COL4A4: variants seen among roughly 807,000 people sequenced by gnomAD.
COL4A4 encodes the protein collagen type IV alpha 4 chain.
A neutral mutation model predicts 192.9 loss-of-function variants in COL4A4; 105 were observed. The observed-to-expected ratio is 0.54, with a 90% confidence interval of 0.46 to 0.64. COL4A4 has a LOEUF of 0.64. Among genes scored for constraint, COL4A4 ranks in the 30% least tolerant of loss-of-function variants. The pLI is 0.00. For missense variants in COL4A4, 1,967 were observed against 2,169.3 expected (o/e 0.91, Z 1.85); for synonymous variants, 762 against 769.9 (o/e 0.99, Z 0.17).
At position 227,088,731 on chromosome 2, in the gene COL4A4, T is replaced by C; in HGVS notation, c.1545A>G (p.Gly515=). 6.2e-7 allele frequency: 1 copy of C among 1,614,022 alleles called. No individual in the cohort carries two copies. ...CAAGCCAGCCAGGGAGCCCCAAGTC[T>C]CCCTTACTCCCCTGCCTCCCAGGAA... ...PGLPGRQGSK[G]DLGLPGWLGT... The change falls in exon 22 of 48, where the codon GGA becomes GGG. Residue 515 remains glycine (G), a synonymous_variant. Coordinates refer to ENST00000396625, the MANE Select transcript of COL4A4 (RefSeq NM_000092.5).
In COL4A4 at chr2:227,088,702, G is replaced by A. The variant is rs748252231; in HGVS notation, c.1574C>T (p.Thr525Ile). Residue 525 changes from threonine (T) to isoleucine (I), a missense_variant, in exon 22 of 48, where the codon ACA becomes ATA. Coordinates refer to ENST00000396625, the MANE Select transcript of COL4A4 (RefSeq NM_000092.5). ...GDLGLPGWLGTKGDPGPPGAE... is the reference protein window; with the variant it reads ...GDLGLPGWLGIKGDPGPPGAE... ...ACCAGGAGGTCCTGGGTCACCTTTT[G>A]TTCCAAGCCAGCCAGGGAGCCCCAA... is the stretch of plus-strand genomic sequence containing the variant. 1 of 1,614,116 alleles carries A rather than the reference G, an allele frequency of 6.2e-7. No homozygotes were observed. Among genetic ancestry groups the A allele is most frequent in the Admixed American group, 1.7e-5 (1 of 60,022 alleles).
chr2:227,058,157 G>A lies in COL4A4; in HGVS notation c.2384-557C>T, dbSNP rs115070864. On this transcript the variant is annotated intron_variant, in intron 28 of 47. Transcript: ENST00000396625. ...TCAGTGCAAATTCAGTTGTTGGAGC[G>A]CTTCAGATTGCATATTAATCTGCAA... 4.9e-3 allele frequency among the ~76,000 whole-genome samples: 745 copies of A among 152,272 alleles called. 7 individuals carry two copies. Among genetic ancestry groups the A allele is most frequent in the African/African-American group, 0.017 (716 of 41,552 alleles).
At chr2:227,047,762 C>CACACACACACACAT (rs1553637097) in intron 34 of COL4A4, among the ~76,000 whole-genome samples, 2 of 151,228 alleles carry the variant, frequency 1.3e-5, no homozygotes, top group South Asian at 4.2e-4. Flanking sequence ...CACACACACA[C>CACACACACACACAT]GGTTTTAGAA....
chr2:227,082,254 T>C lies in COL4A4; in HGVS notation c.1624-67A>G, dbSNP rs2059365297. 8 of 1,295,046 alleles carry C rather than the reference T, an allele frequency of 6.2e-6. No individual in the cohort carries two copies. The African/African-American group carries it at 1.0e-4, about 17-fold the overall frequency. 80.2% of individuals were successfully genotyped at this position (1,295,046 alleles called of 1,614,324 possible). A position where few individuals can be genotyped will look rare whatever the true frequency, so the allele number is the denominator to read the frequency against. On this transcript the variant is annotated intron_variant, in intron 22 of 47. Coordinates refer to ENST00000396625, the MANE Select transcript of COL4A4 (RefSeq NM_000092.5). ...GGATCAACAGTTACATCTGTACATA[T>C]TGAATCTCTCTCTTCTTCCCTCCTA...
At position 227,060,126 on chromosome 2, in the gene COL4A4, C is replaced by CAAAAATA; in HGVS notation, c.2164+9_2164+10insTATTTTT. ...GAAAAAAAAAAAAAAAAAAAAAAAACCTCACTGACCAGGTGGACCTGGTAT... is the reference window on the plus strand; with the variant it reads ...GAAAAAAAAAAAAAAAAAAAAAAAACAAAAATACTCACTGACCAGGTGGACCTGGTAT... On this transcript the variant is annotated intron_variant, in intron 27 of 47. Transcript: ENST00000396625. 2.3e-6 allele frequency: 1 copy of CAAAAATA among 438,596 alleles called. No homozygotes were observed. Among genetic ancestry groups the CAAAAATA allele is most frequent in the Non-Finnish European group, 3.2e-6 (1 of 313,898 alleles). 27.2% of individuals were successfully genotyped at this position (438,596 alleles called of 1,614,324 possible).
chr2:227,037,746 C>G (rs1487238950), intron 37 of COL4A4, among the ~76,000 whole-genome samples: 1 of 151,056 alleles, frequency 6.6e-6, no homozygotes, highest in Non-Finnish European at 1.5e-5. Context: ...TCTCCAGCAA[C>G]TGTTGTTTCC....
intron 2 of COL4A4, 114 bp from the exon 3 acceptor site, chr2:227,144,672 G>A (rs990827047): frequency 3.8e-6 from 3 of 793,316 alleles, no homozygotes; most frequent in Non-Finnish European, 4.3e-6. Context: ...CTATGAGGCT[G>A]CTCCTACTAG....
At chr2:227,012,632 CAAAAAAA>C (rs61163440) in intron 44 of COL4A4, among the ~76,000 whole-genome samples, 10 of 110,290 alleles carry the variant, frequency 9.1e-5, no homozygotes, top group Non-Finnish European at 1.7e-4. Context: ...TATTTGACTT[CAAAAAAA>C]AAAAAAAAAA....
intron 25 of COL4A4, among the ~76,000 whole-genome samples, chr2:227,074,143 C>T (rs181413093): frequency 2.2e-4 from 34 of 152,070 alleles, no homozygotes; most frequent in Admixed American, 1.9e-3. Context: ...TATTTGCAAA[C>T]TATGCATCCG....
chr2:227,139,985 C>T (rs2063089873), intron 4 of COL4A4, among the ~76,000 whole-genome samples, 176 bp downstream of exon 4: 1 of 152,172 alleles, frequency 6.6e-6, no homozygotes, highest in Non-Finnish European at 1.5e-5. Context: ...TCTTCTAAGC[C>T]TGGACTGTCT....
the COL4A4 span, among the ~76,000 whole-genome samples, chr2:226,992,802 A>C: frequency 1.5e-4 from 23 of 152,212 alleles, no homozygotes; most frequent in African/African-American, 5.5e-4. Flanking sequence ...ACCGATGGCC[A>C]CGTGGGGAAG....
intron 44 of COL4A4, among the ~76,000 whole-genome samples, chr2:227,014,876 G>C (rs1052371074): frequency 6.7e-6 from 1 of 149,938 alleles, no homozygotes; most frequent in East Asian, 2.0e-4. Flanking sequence ...CTACAGGCAC[G>C]GGCCACCATG....
chr2:227,116,273 G>A (rs533127872), intron 7 of COL4A4, among the ~76,000 whole-genome samples: 2 of 152,168 alleles, frequency 1.3e-5, no homozygotes, highest in Non-Finnish European at 2.9e-5. Flanking sequence ...TGAGAGGCCT[G>A]GGGGTCCTCT....
At chr2:226,980,843 T>C in the COL4A4 span, among the ~76,000 whole-genome samples, 1 of 152,244 alleles carries the variant, frequency 6.6e-6, no homozygotes, top group Non-Finnish European at 1.5e-5. Context: ...TTTCTGTTCA[T>C]AAAATGTTTT....
intron 3 of COL4A4, 138 bp from the exon 4 acceptor site, chr2:227,140,376 TG>T: frequency 1.4e-6 from 1 of 730,570 alleles, no homozygotes; most frequent in Non-Finnish European, 2.4e-6. Flanking sequence ...TATAAAAAGA[TG>T]AAGAACTTAC....
chr2:227,041,894 G>A (rs545982126), intron 37 of COL4A4, among the ~76,000 whole-genome samples: 61 of 148,966 alleles, frequency 4.1e-4, no homozygotes, highest in African/African-American at 1.5e-3. Flanking sequence ...AAGAAAGAAA[G>A]AAAGAAAGAA....
chr2:226,995,053 T>C, the COL4A4 span, among the ~76,000 whole-genome samples: 180 of 151,840 alleles, frequency 1.2e-3, no homozygotes, highest in African/African-American at 4.2e-3. Context: ...ACCAGCCTAG[T>C]TGGTGGGGAA....
chr2:227,067,201 AC>A (rs970551102), intron 25 of COL4A4, among the ~76,000 whole-genome samples: 3 of 152,122 alleles, frequency 2.0e-5, no homozygotes, highest in African/African-American at 7.2e-5. Context: ...ATACAGGAGC[AC>A]CCAGATTCAT....
Position 227,078,082 on chromosome 2 carries a change from G to A in COL4A4, c.1804-5C>T. 1 of 1,613,704 alleles carries A rather than the reference G, an allele frequency of 6.2e-7. No individual in the cohort carries two copies. The highest frequency in any genetic ancestry group is 8.5e-7 in the Non-Finnish European group (1 of 1,179,874). On this transcript the variant is annotated splice_region_variant and splice_polypyrimidine_tract_variant and intron_variant, in intron 24 of 47. Coordinates refer to ENST00000396625, the MANE Select transcript of COL4A4 (RefSeq NM_000092.5). The stretch of plus-strand genomic sequence containing the variant: ...GGTCGCATCTTCATGATCCCCCTGG[G>A]AATGTTATGTCATGAGTCAATTACC...
Sources: gnomAD v4.1 joint callset for allele counts (sites outside exome capture counted in the v4.1 genomes callset) on GRCh38, gnomAD v4.1.1 for gene constraint, MANE v1.5 for transcripts, NCBI Gene and HGNC (gene_info 2026-07-23, HGNC 2026-07-21) for gene names.